The following ARID1B variants were observed in gnomAD, a reference collection of about 807,000 sequenced individuals.
ARID1B encodes the protein AT-rich interaction domain 1B.
A neutral mutation model predicts 212.3 loss-of-function variants in ARID1B; 30 were observed. The observed-to-expected ratio is 0.14, with a 90% CI of 0.11 to 0.19. The LOEUF (loss-of-function observed/expected upper bound fraction) is 0.19. Among genes scored for constraint, ARID1B ranks in the 10% least tolerant of loss-of-function variants. The pLI is 1.00. For missense variants in ARID1B, 2,891 were observed against 3,204.0 expected (o/e 0.90, Z 2.36); for synonymous variants, 1,402 against 1,301.7 (o/e 1.08, Z -1.66).
chr6:156,892,657 C>T (rs1788031613), intron 2 of ARID1B, among the ~76,000 whole-genome samples: 2 of 152,194 alleles, frequency 1.3e-5, no homozygotes, highest in South Asian at 4.1e-4. Context: ...TTCCGTCACT[C>T]CTAGAAAATT....
At chr6:157,166,987 C>T (rs965002623) in intron 8 of ARID1B, 53 bp from the exon 9 acceptor site, 1 of 1,584,838 alleles carries the variant, frequency 6.3e-7, no homozygotes, top group Non-Finnish European at 8.5e-7. Context: ...CAGGGCAAAC[C>T]ACTGCTAATG....
chr6:156,918,250 ATTG>A (rs1340618494), intron 3 of ARID1B, among the ~76,000 whole-genome samples: 3 of 152,192 alleles, frequency 2.0e-5, no homozygotes, highest in Admixed American at 6.5e-5. Context: ...AGTTCCTTAT[ATTG>A]TTGTTATTTA....
Position 157,174,941 on chromosome 6 carries a change from C to T in ARID1B, c.3440C>T (p.Ser1147Leu). ...PMSPSSASISSFHGDESDSIS... is the reference protein window; with the variant it reads ...PMSPSSASISLFHGDESDSIS... ...TCCCCCAGCTCTGCTAGCATCTCCT[C>T]ATTTCATGGAGATGAAAGTGATAGC... Residue 1147 changes from serine to leucine, a missense_variant, in exon 11 of 20, where the codon TCA becomes TTA. Physicochemically the swap from Ser to Leu is moderately radical, Grantham distance 145. Transcript: ENST00000636930. 1 of 1,541,340 alleles carries T rather than the reference C, an allele frequency of 6.5e-7. No homozygotes were observed. Among genetic ancestry groups the T allele is most frequent in the Non-Finnish European group, 8.8e-7 (1 of 1,142,432 alleles).
Position 157,007,819 on chromosome 6 carries a change from G to C in ARID1B, c.2247+72243G>C, listed in dbSNP as rs145345163. Among the ~76,000 whole-genome samples the C allele has an allele frequency of 4.4e-3, 659 of 150,452 alleles. 5 individuals are homozygous for C. Among genetic ancestry groups the C allele is most frequent in the African/African-American group, 0.015 (628 of 40,842 alleles). On this transcript the variant is annotated intron_variant, in intron 4 of 19. Coordinates refer to ENST00000636930, the MANE Select transcript of ARID1B (RefSeq NM_001374828.1). ...GCCTCCCAAGTAACTGGGACTACAG[G>C]CATCCTCCACCATGCCCGGCTAATT...
intron 3 of ARID1B, among the ~76,000 whole-genome samples, chr6:156,930,926 T>C (rs139586636): frequency 0.018 from 2,718 of 152,232 alleles, 60 homozygotes; most frequent in African/African-American, 0.059. Context: ...CAGAGTGGCT[T>C]ATGCCTGTAA....
intron 2 of ARID1B, among the ~76,000 whole-genome samples, chr6:156,846,930 C>G (rs1784272617): frequency 6.6e-6 from 1 of 152,216 alleles, no homozygotes; most frequent in Non-Finnish European, 1.5e-5. Flanking sequence ...TCACCTAGAA[C>G]AGATTAAAAC....
chr6:157,113,606 C>G (rs902313145), intron 6 of ARID1B, among the ~76,000 whole-genome samples: 1 of 152,156 alleles, frequency 6.6e-6, no homozygotes, highest in Non-Finnish European at 1.5e-5. Flanking sequence ...ACTAGGGGGA[C>G]GGTGCTAAAC....
intron 2 of ARID1B, among the ~76,000 whole-genome samples, chr6:156,870,742 G>C (rs1786061501): frequency 6.7e-6 from 1 of 149,720 alleles, no homozygotes; most frequent in Non-Finnish European, 1.5e-5. Flanking sequence ...AAAAAAAAAA[G>C]TCACATATAT....
chr6:156,815,141 G>A (rs1477189801), intron 1 of ARID1B, among the ~76,000 whole-genome samples: 8 of 152,124 alleles, frequency 5.3e-5, no homozygotes, highest in African/African-American at 1.9e-4. Context: ...GAAAGTCTAA[G>A]AAAAGAAGAG....
chr6:157,021,572 C>A (rs1457308556), intron 4 of ARID1B, among the ~76,000 whole-genome samples: 2 of 152,190 alleles, frequency 1.3e-5, no homozygotes, highest in Non-Finnish European at 2.9e-5. Flanking sequence ...ACGAAAACAA[C>A]CGCGTCCTCA....
At chr6:157,196,422 T>G in intron 16 of ARID1B, 107 bp downstream of exon 16, 1 of 1,374,324 alleles carries the variant, frequency 7.3e-7, no homozygotes, top group Non-Finnish European at 9.8e-7. Context: ...CAATATACAG[T>G]GTCCCCTTTC....
chr6:156,975,982 T>G (rs571146833), intron 4 of ARID1B, among the ~76,000 whole-genome samples: 2 of 152,144 alleles, frequency 1.3e-5, no homozygotes, highest in South Asian at 4.2e-4. Flanking sequence ...GGGGAGGATC[T>G]TACAAAGTAC....
chr6:156,914,442 C>T (rs1190828275), intron 3 of ARID1B, among the ~76,000 whole-genome samples: 2 of 152,226 alleles, frequency 1.3e-5, no homozygotes, highest in Non-Finnish European at 2.9e-5. Flanking sequence ...TGGGACGCCA[C>T]CCTCTCCTGG....
intron 4 of ARID1B, among the ~76,000 whole-genome samples, chr6:156,982,966 G>A (rs1777695355): frequency 6.6e-6 from 1 of 152,144 alleles, no homozygotes; most frequent in East Asian, 1.9e-4. Context: ...GTAGTGGTGC[G>A]TGCCTGTAAT....
intron 1 of ARID1B, among the ~76,000 whole-genome samples, chr6:156,827,533 A>T (rs1562415899): frequency 6.6e-6 from 1 of 152,204 alleles, no homozygotes; most frequent in African/African-American, 2.4e-5. Flanking sequence ...CTGAGCCTGT[A>T]GAATGCCCTG....
chr6:157,155,525 ACT>A (rs1322864645), intron 8 of ARID1B, among the ~76,000 whole-genome samples: 2 of 152,040 alleles, frequency 1.3e-5, no homozygotes, highest in Admixed American at 1.3e-4. Flanking sequence ...AAGTCTTGTT[ACT>A]CTTGACTAGA....
chr6:157,197,248 C>G (rs1793791538), intron 16 of ARID1B, among the ~76,000 whole-genome samples: 1 of 152,230 alleles, frequency 6.6e-6, no homozygotes, highest in Non-Finnish European at 1.5e-5. Context: ...AAGGGCTTTT[C>G]CCTCCCCGGA....
At chr6:157,154,568 G>GTTT (rs770934447) in intron 8 of ARID1B, among the ~76,000 whole-genome samples, 38 of 118,506 alleles carry the variant, frequency 3.2e-4, no homozygotes, top group South Asian at 8.2e-4. Flanking sequence ...CTGCTCTTCT[G>GTTT]TTTTTTTTTT....
At chr6:157,150,918 C>T (rs1354590974) in intron 8 of ARID1B, 1 of 174,190 alleles carries the variant, frequency 5.7e-6, no homozygotes, top group Non-Finnish European at 1.2e-5. Flanking sequence ...TGTTAACGAT[C>T]GTGCCGTCTG....
Sources: allele counts gnomAD v4.1 joint callset (sites outside exome capture counted in the v4.1 genomes callset), GRCh38; gene constraint gnomAD v4.1.1; transcripts MANE v1.5; gene names NCBI Gene and HGNC (gene_info 2026-07-23, HGNC 2026-07-21).